The following ABCD2 variants were observed in gnomAD, a reference collection of about 807,000 sequenced individuals.
The protein encoded by ABCD2 is ATP-binding cassette sub-family D member 2.
ABCD2 carries 36 observed loss-of-function variants against 70.9 expected under a neutral mutation model. The ratio of observed to expected loss-of-function variants is 0.51; its 90% CI spans 0.39 to 0.67. ABCD2 has a LOEUF of 0.67. Ranked by LOEUF, ABCD2 falls within the 30% of genes least tolerant of loss-of-function variation. The probability of loss-of-function intolerance (pLI) is 0.00; values close to 1 mark genes in which losing one functional copy is unlikely to be tolerated. For synonymous variants in ABCD2, 304 were observed against 306.9 expected (o/e 0.99, Z 0.10); for missense variants, 729 against 890.2 (o/e 0.82, Z 2.30).
At chr12:39,565,328 T>C (rs1486175739) in intron 9 of ABCD2, among the ~76,000 whole-genome samples, 1 of 152,222 alleles carries the variant, frequency 6.6e-6, no homozygotes, top group Non-Finnish European at 1.5e-5. Context: ...GTAGTTCACC[T>C]TGAAGAGGTC....
intron 3 of ABCD2, 70 bp from the exon 4 acceptor site, chr12:39,605,000 C>A: frequency 8.0e-7 from 1 of 1,244,540 alleles, no homozygotes; most frequent in South Asian, 1.9e-5. Context: ...AATATGTAAT[C>A]AGATAAGCTT....
downstream of ABCD2, among the ~76,000 whole-genome samples, chr12:39,547,180 T>C (rs957054123): frequency 6.6e-6 from 1 of 151,870 alleles, no homozygotes; most frequent in African/African-American, 2.4e-5. Flanking sequence ...ATACAGAAAG[T>C]AGAAAATAAC....
At chr12:39,579,908 G>C (rs1464928115) in intron 7 of ABCD2, among the ~76,000 whole-genome samples, 1 of 152,054 alleles carries the variant, frequency 6.6e-6, no homozygotes, top group Non-Finnish European at 1.5e-5. Context: ...CCGGTGGGTT[G>C]ATAGGCTTAT....
At chr12:39,534,739 G>GGAAAA in the ABCD2 span, among the ~76,000 whole-genome samples, 1 of 107,676 alleles carries the variant, frequency 9.3e-6, no homozygotes, top group African/African-American at 3.6e-5. Context: ...AAAGAAGGAA[G>GGAAAA]GAAGGAAGGA....
At chr12:39,555,615 G>C (rs970580372) in intron 9 of ABCD2, among the ~76,000 whole-genome samples, 11 of 152,096 alleles carry the variant, frequency 7.2e-5, no homozygotes, top group Non-Finnish European at 1.3e-4. Context: ...GAAAAGAGAG[G>C]GATGTAAGCA....
chr12:39,595,673 A>G (rs1941806183), intron 6 of ABCD2, among the ~76,000 whole-genome samples: 1 of 152,212 alleles, frequency 6.6e-6, no homozygotes, highest in Admixed American at 6.5e-5. Flanking sequence ...CTGTGAATGA[A>G]GTAGTAGTTA....
At chr12:39,586,794 A>G (rs1349556361) in intron 6 of ABCD2, among the ~76,000 whole-genome samples, 1 of 152,244 alleles carries the variant, frequency 6.6e-6, no homozygotes, top group Non-Finnish European at 1.5e-5. Flanking sequence ...TTTGGGTGAC[A>G]TATTATACAA....
intron 2 of ABCD2, among the ~76,000 whole-genome samples, chr12:39,614,557 T>C (rs1307728376): frequency 6.6e-6 from 1 of 151,924 alleles, no homozygotes; most frequent in African/African-American, 2.4e-5. Flanking sequence ...TCTACCTTTT[T>C]TTTTTGCCTT....
downstream of ABCD2, among the ~76,000 whole-genome samples, chr12:39,546,831 G>C (rs1941030203): frequency 6.6e-6 from 1 of 151,884 alleles, no homozygotes; most frequent in Admixed American, 6.6e-5. Flanking sequence ...ATTGTTGGCT[G>C]AGAAAATAAA....
chr12:39,582,670 G>C (rs1337118829), intron 7 of ABCD2, among the ~76,000 whole-genome samples: 1 of 152,020 alleles, frequency 6.6e-6, no homozygotes, highest in Non-Finnish European at 1.5e-5. Context: ...AAATCAATCT[G>C]CTTTCCATAT....
intron 9 of ABCD2, among the ~76,000 whole-genome samples, chr12:39,558,116 G>T (rs532086689): frequency 6.6e-6 from 1 of 152,354 alleles, no homozygotes; most frequent in East Asian, 1.9e-4. Context: ...GCAGCCCAAG[G>T]CTATGGGAGC....
In ABCD2 at chr12:39,579,630, T is replaced by TA. The variant is rs753155865; in HGVS notation, c.1793-12dup. 12 of 1,573,568 alleles carry TA rather than the reference T, an allele frequency of 7.6e-6. No individual in the cohort carries two copies. Among genetic ancestry groups the TA allele is most frequent in the East Asian group, 4.5e-5 (2 of 44,566 alleles). Reference sequence around the variant, plus strand: ...TAACAGCATCCCATCCTTAAGAAAATAAAAAAATATACATTTTTATAAATC... The same window carrying TA: ...TAACAGCATCCCATCCTTAAGAAAATAAAAAAAATATACATTTTTATAAATC... On this transcript the variant is annotated splice_polypyrimidine_tract_variant and intron_variant, in intron 7 of 9. Coordinates refer to ENST00000308666, the MANE Select transcript of ABCD2 (RefSeq NM_005164.4).
At chr12:39,586,126 C>A (rs1344511262) in intron 7 of ABCD2, 26 bp downstream of exon 7, 1 of 1,580,968 alleles carries the variant, frequency 6.3e-7, no homozygotes, top group Admixed American at 1.8e-5. Context: ...AAGTTAAATG[C>A]ATTAGAAAAG....
intron 7 of ABCD2, 47 bp from the exon 8 acceptor site, chr12:39,579,666 T>G (rs756448471): frequency 1.4e-6 from 2 of 1,428,324 alleles, no homozygotes; most frequent in East Asian, 2.4e-5. Flanking sequence ...ATTTGTTTAA[T>G]TGTTACTATT....
intron 9 of ABCD2, among the ~76,000 whole-genome samples, chr12:39,562,726 C>A (rs189594458): frequency 2.6e-5 from 4 of 152,094 alleles, no homozygotes; most frequent in African/African-American, 9.7e-5. Context: ...CTACCAAATT[C>A]TACCAAATAT....
At chr12:39,534,802 G>GAAAGA in the ABCD2 span, among the ~76,000 whole-genome samples, 3 of 108,804 alleles carry the variant, frequency 2.8e-5, no homozygotes, top group African/African-American at 1.0e-4. Context: ...AAGAAAGAAA[G>GAAAGA]AAAGAAAAGA....
intron 9 of ABCD2, among the ~76,000 whole-genome samples, chr12:39,569,249 C>T (rs950165991): frequency 5.3e-5 from 8 of 152,202 alleles, no homozygotes; most frequent in African/African-American, 1.9e-4. Flanking sequence ...TCCAAGCAGG[C>T]CTCCTTGAGC....
At chr12:39,533,288 T>C in the ABCD2 span, among the ~76,000 whole-genome samples, 1 of 152,224 alleles carries the variant, frequency 6.6e-6, no homozygotes, top group African/African-American at 2.4e-5. Context: ...CTTATACATC[T>C]TGACTTTTTT....
intron 7 of ABCD2, among the ~76,000 whole-genome samples, chr12:39,584,647 TGGGG>T (rs1941641041): frequency 1.3e-5 from 2 of 152,212 alleles, no homozygotes; most frequent in South Asian, 4.1e-4. Flanking sequence ...TTTTATAGTT[TGGGG>T]TTTTACATTT....
Sources: allele counts gnomAD v4.1 joint callset (sites outside exome capture counted in the v4.1 genomes callset), GRCh38; gene constraint gnomAD v4.1.1; transcripts MANE v1.5; gene names NCBI Gene and HGNC (gene_info 2026-07-23, HGNC 2026-07-21).